ASTN2: variants seen among roughly 807,000 people sequenced by gnomAD.
ASTN2 encodes the protein astrotactin 2.
A neutral mutation model predicts 139.8 loss-of-function variants in ASTN2; 54 were observed. That is an observed-to-expected ratio of 0.39 (90% CI 0.31 to 0.48). The LOEUF (loss-of-function observed/expected upper bound fraction) is 0.48. Among genes scored for constraint, ASTN2 ranks in the 20% least tolerant of loss-of-function variants. The pLI is 0.95. For synonymous variants in ASTN2, 756 were observed against 719.5 expected (o/e 1.05, Z -0.81); for missense variants, 1,565 against 1,725.1 (o/e 0.91, Z 1.64).
At chr9:116,987,831 A>C (rs1836730290) in intron 7 of ASTN2, among the ~76,000 whole-genome samples, 1 of 152,216 alleles carries the variant, frequency 6.6e-6, no homozygotes, top group Admixed American at 6.5e-5. Context: ...AATAACGATT[A>C]TCCAAACACA....
At chr9:117,203,613 C>T (rs1056287538) in intron 3 of ASTN2, among the ~76,000 whole-genome samples, 19 of 152,000 alleles carry the variant, frequency 1.3e-4, no homozygotes, top group African/African-American at 4.4e-4. Context: ...GGTCCTTCTT[C>T]CGTAGAGCTG....
At chr9:116,864,497 C>T (rs1488139822) in intron 10 of ASTN2, among the ~76,000 whole-genome samples, 1 of 152,178 alleles carries the variant, frequency 6.6e-6, no homozygotes, top group Non-Finnish European at 1.5e-5. Context: ...GATCTGCCAA[C>T]ATTTTATGAG....
chr9:117,373,417 AC>A (rs1242220140), intron 1 of ASTN2, among the ~76,000 whole-genome samples: 3 of 152,148 alleles, frequency 2.0e-5, no homozygotes, highest in Non-Finnish European at 4.4e-5. Context: ...CTTCCCTGGT[AC>A]CACCCAGGGT....
intron 20 of ASTN2, among the ~76,000 whole-genome samples, chr9:116,446,625 A>C (rs1006191944): frequency 2.0e-5 from 3 of 152,178 alleles, no homozygotes; most frequent in African/African-American, 7.2e-5. Context: ...GGATGCTTTC[A>C]TTATGAAAGA....
chr9:117,009,614 G>A (rs1537528), intron 6 of ASTN2, among the ~76,000 whole-genome samples: 23,342 of 152,232 alleles, frequency 0.15, 1,899 homozygotes, highest in Middle Eastern at 0.2. Context: ...GACTGCAGCA[G>A]CAGGAGACTT....
intron 5 of ASTN2, among the ~76,000 whole-genome samples, chr9:117,079,080 G>C (rs960553680): frequency 1.3e-5 from 2 of 152,190 alleles, no homozygotes; most frequent in East Asian, 1.9e-4. Flanking sequence ...AGATGGTCGG[G>C]TGCAGTGAAT....
chr9:117,257,494 G>C (rs1391132808), intron 2 of ASTN2, among the ~76,000 whole-genome samples: 1 of 152,234 alleles, frequency 6.6e-6, no homozygotes, highest in Non-Finnish European at 1.5e-5. Context: ...TGGCACTAGA[G>C]CCATGCAAGC....
At chr9:116,989,671 C>A (rs1044875585) in intron 7 of ASTN2, among the ~76,000 whole-genome samples, 1 of 151,402 alleles carries the variant, frequency 6.6e-6, no homozygotes, top group Non-Finnish European at 1.5e-5. Context: ...GCAACCTCCA[C>A]CTCCTGGGTT....
intron 3 of ASTN2, among the ~76,000 whole-genome samples, chr9:117,146,806 A>AT (rs1352904497): frequency 6.6e-6 from 1 of 152,282 alleles, no homozygotes; most frequent in East Asian, 1.9e-4. Context: ...AATTAAAAGG[A>AT]TAGAAGGACT....
intron 16 of ASTN2, among the ~76,000 whole-genome samples, chr9:116,662,570 T>C (rs1216189227): frequency 1.3e-5 from 2 of 152,050 alleles, no homozygotes; most frequent in Non-Finnish European, 2.9e-5. Flanking sequence ...TGAGACTCCA[T>C]CTCAAAAAAA....
At chr9:117,397,339 G>C (rs181248494) in intron 1 of ASTN2, among the ~76,000 whole-genome samples, 2 of 152,046 alleles carry the variant, frequency 1.3e-5, no homozygotes, top group Non-Finnish European at 2.9e-5. Context: ...TGGTTTCTAG[G>C]AGGACTAAGT....
At chr9:117,191,680 A>G (rs1329067235) in intron 3 of ASTN2, among the ~76,000 whole-genome samples, 2 of 152,180 alleles carry the variant, frequency 1.3e-5, no homozygotes. Context: ...GGTGAGCTCC[A>G]GCCATTTCAA....
At position 117,016,659 on chromosome 9, in the gene ASTN2, C is replaced by CATATATATAGGTTA. The variant is rs1564386100; in HGVS notation, c.1424-8401_1424-8400insTAACCTATATATAT. On this transcript the variant is annotated intron_variant, in intron 6 of 22. Transcript: ENST00000313400. The stretch of plus-strand genomic sequence containing the variant: ...ATATATATATATATATATATATAAC[C>CATATATATAGGTTA]TATATATATGTTACATATATATAGG... Among the ~76,000 whole-genome samples the CATATATATAGGTTA allele has an allele frequency of 1.8e-3, 21 of 11,968 alleles. 4 individuals are homozygous for CATATATATAGGTTA. The highest frequency in any genetic ancestry group is 3.4e-3 in the African/African-American group (18 of 5,270). The allele number at this position is 11,968 out of a possible 152,430, so 7.9% of individuals were successfully genotyped here.
chr9:116,933,883 A>T (rs1044183897), intron 10 of ASTN2, among the ~76,000 whole-genome samples: 12 of 151,860 alleles, frequency 7.9e-5, no homozygotes, highest in Non-Finnish European at 1.5e-4. Context: ...AGATAACAAT[A>T]AAAAAATTTA....
intron 20 of ASTN2, among the ~76,000 whole-genome samples, chr9:116,469,641 G>A (rs1346042643): frequency 6.6e-6 from 1 of 152,144 alleles, no homozygotes; most frequent in Non-Finnish European, 1.5e-5. Flanking sequence ...GAGGGGAAAA[G>A]TATCTGCCTA....
intron 11 of ASTN2, among the ~76,000 whole-genome samples, chr9:116,826,485 C>T (rs1275492615): frequency 6.6e-6 from 1 of 152,192 alleles, no homozygotes; most frequent in Non-Finnish European, 1.5e-5. Context: ...ACACTCAGGA[C>T]AATACCCACC....
At chr9:117,353,747 C>T (rs1829456287) in intron 1 of ASTN2, among the ~76,000 whole-genome samples, 1 of 152,156 alleles carries the variant, frequency 6.6e-6, no homozygotes, top group African/African-American at 2.4e-5. Flanking sequence ...TTTCTGAAAA[C>T]CCCACTAAAT....
At position 117,216,474 on chromosome 9, in the gene ASTN2, A is replaced by G. The variant is rs78561349; in HGVS notation, c.631-1732T>C. 9.3e-3 allele frequency among the ~76,000 whole-genome samples: 1,414 copies of G among 152,282 alleles called. 23 individuals carry two copies. Among genetic ancestry groups the G allele is most frequent in the African/African-American group, 0.033 (1,360 of 41,548 alleles). On this transcript the variant is annotated intron_variant, in intron 2 of 22. Coordinates refer to ENST00000313400, the MANE Select transcript of ASTN2 (RefSeq NM_001365068.1). ...TTTCTCTGGATGTCATAACATAAAAACAAATGCACAAATCAAGCAAAGCTA... is the reference window on the plus strand; with the variant it reads ...TTTCTCTGGATGTCATAACATAAAAGCAAATGCACAAATCAAGCAAAGCTA...
chr9:116,558,363 CT>C (rs35136766), intron 19 of ASTN2, among the ~76,000 whole-genome samples: 22,176 of 146,956 alleles, frequency 0.15, 1,525 homozygotes, highest in East Asian at 0.18. Flanking sequence ...ATGGTCACTA[CT>C]TTTTTTTTTT....
Sources: gnomAD v4.1 joint callset for allele counts (sites outside exome capture counted in the v4.1 genomes callset) on GRCh38, gnomAD v4.1.1 for gene constraint, MANE v1.5 for transcripts, NCBI Gene and HGNC (gene_info 2026-07-23, HGNC 2026-07-21) for gene names.